The following XRCC4 variants were observed in gnomAD, a reference collection of about 807,000 sequenced individuals.
The protein encoded by XRCC4 is DNA repair protein XRCC4.
XRCC4 carries 28 observed loss-of-function variants against 39.1 expected under a neutral mutation model. That is an observed-to-expected ratio of 0.72 (90% CI 0.53 to 0.98). XRCC4 has a LOEUF of 0.98. Ranked by LOEUF, XRCC4 falls within the 50% of genes least tolerant of loss-of-function variation. The pLI, the probability that XRCC4 is intolerant of heterozygous loss-of-function variation, is 0.00. For missense variants in XRCC4, 350 were observed against 376.4 expected, an observed-to-expected ratio of 0.93 and a Z score of 0.58; for synonymous variants, 123 against 126.4, an observed-to-expected ratio of 0.97 and a Z score of 0.18.
chr5:83,133,527 T>C (rs1747715253), intron 3 of XRCC4, among the ~76,000 whole-genome samples: 1 of 152,226 alleles, frequency 6.6e-6, no homozygotes, highest in Admixed American at 6.5e-5. Flanking sequence ...TGAGCTGCGT[T>C]GGGCTCCACC....
chr5:83,276,548 C>T (rs1754343309), intron 7 of XRCC4, among the ~76,000 whole-genome samples: 1 of 148,392 alleles, frequency 6.7e-6, no homozygotes, highest in South Asian at 2.1e-4. Context: ...GCATGCTCTG[C>T]CCCCTTGCCA....
rs181017027 is a variant in XRCC4 at position 83,266,971 on chromosome 5, C to G, written c.893+8294C>G. Among the ~76,000 whole-genome samples the G allele has an allele frequency of 1.4e-4, 22 of 152,190 alleles. No individual in the cohort carries two copies. The East Asian group carries it at 4.2e-3, about 29-fold the overall frequency. On this transcript the variant is annotated intron_variant, in intron 7 of 7. Coordinates refer to ENST00000396027, the MANE Select transcript of XRCC4 (RefSeq NM_003401.5). ...GGAGGAGTAATGAATAGCACACATA[C>G]GTTGTTTGCTTTTGGGCCACATTAC...
chr5:83,331,723 A>C (rs748114125), intron 7 of XRCC4, among the ~76,000 whole-genome samples: 1 of 152,160 alleles, frequency 6.6e-6, no homozygotes, highest in Non-Finnish European at 1.5e-5. Context: ...GTTGAAATAA[A>C]ATTCTTTGAA....
the XRCC4 span, among the ~76,000 whole-genome samples, chr5:83,363,044 C>T: frequency 3.3e-3 from 499 of 152,234 alleles, 4 homozygotes; most frequent in African/African-American, 0.011. Flanking sequence ...AGGAGGCAGA[C>T]GTGTAAACAG....
At chr5:83,335,357 A>G (rs1756563314) in intron 7 of XRCC4, among the ~76,000 whole-genome samples, 1 of 151,886 alleles carries the variant, frequency 6.6e-6, no homozygotes, top group Admixed American at 6.6e-5. Context: ...ATTAACAACA[A>G]AGTATTTTTT....
At chr5:83,144,521 TTTTGTTTG>T (rs143945470) in intron 3 of XRCC4, among the ~76,000 whole-genome samples, 1 of 129,792 alleles carries the variant, frequency 7.7e-6, no homozygotes, top group Non-Finnish European at 1.6e-5. Context: ...ATGTTTTCTT[TTTTGTTTG>T]TTTGTTTGTT....
chr5:83,305,471 A>T (rs1340583625), intron 7 of XRCC4, among the ~76,000 whole-genome samples: 1 of 152,136 alleles, frequency 6.6e-6, no homozygotes, highest in Non-Finnish European at 1.5e-5. Context: ...CTCAAAGTAG[A>T]GTCTAAAATG....
At chr5:83,087,785 CTT>C (rs1237103233) in intron 1 of XRCC4, among the ~76,000 whole-genome samples, 1 of 151,900 alleles carries the variant, frequency 6.6e-6, no homozygotes, top group African/African-American at 2.4e-5. Context: ...GTAATTTACT[CTT>C]TTTTTGGTGT....
chr5:83,089,407 CTT>C (rs1212588659), intron 1 of XRCC4, among the ~76,000 whole-genome samples: 1 of 152,174 alleles, frequency 6.6e-6, no homozygotes, highest in Admixed American at 6.5e-5. Context: ...ATTAAACCCT[CTT>C]TTTTTCCCCC....
At chr5:83,100,497 A>T (rs550150700) in intron 1 of XRCC4, among the ~76,000 whole-genome samples, 2 of 151,992 alleles carry the variant, frequency 1.3e-5, no homozygotes, top group East Asian at 1.9e-4. Context: ...ATATGGCTTT[A>T]AAAAAAAGCA....
chr5:83,127,973 CATTTATTT>C (rs1292918867), intron 3 of XRCC4, among the ~76,000 whole-genome samples: 1 of 149,568 alleles, frequency 6.7e-6, no homozygotes, highest in Non-Finnish European at 1.5e-5. Flanking sequence ...AGTCATCTGT[CATTTATTT>C]ATTTATTTAT....
At chr5:83,224,267 T>G (rs1752206430) in intron 6 of XRCC4, among the ~76,000 whole-genome samples, 1 of 152,054 alleles carries the variant, frequency 6.6e-6, no homozygotes, top group African/African-American at 2.4e-5. Context: ...CTTTTCTGTT[T>G]CTCTTTTGTA....
At chr5:83,265,072 T>C (rs184597036) in intron 7 of XRCC4, among the ~76,000 whole-genome samples, 23 of 152,248 alleles carry the variant, frequency 1.5e-4, no homozygotes, top group Admixed American at 5.9e-4. Context: ...GACCATTCCA[T>C]CTTTTCAAAA....
chr5:83,357,515 G>A (rs934012115), downstream of XRCC4, among the ~76,000 whole-genome samples: 2 of 151,830 alleles, frequency 1.3e-5, no homozygotes, highest in Non-Finnish European at 2.9e-5. Context: ...AATACAGAAG[G>A]TACTGGGGCT....
downstream of XRCC4, among the ~76,000 whole-genome samples, chr5:83,355,447 T>C (rs1325235935): frequency 6.6e-6 from 1 of 152,178 alleles, no homozygotes; most frequent in Non-Finnish European, 1.5e-5. Context: ...TTAGTGTTTG[T>C]TGAATGAAAG....
chr5:83,158,513 A>G (rs1749062112), intron 3 of XRCC4, among the ~76,000 whole-genome samples: 1 of 152,176 alleles, frequency 6.6e-6, no homozygotes. Context: ...TATACACTAA[A>G]TAAATAGCAG....
At chr5:83,229,659 C>CTTTTTTT (rs61356475) in intron 6 of XRCC4, among the ~76,000 whole-genome samples, 19 of 103,700 alleles carry the variant, frequency 1.8e-4, no homozygotes, top group African/African-American at 5.8e-4. Flanking sequence ...AATGTTTAAA[C>CTTTTTTT]TTTTTTTTTT....
intron 7 of XRCC4, among the ~76,000 whole-genome samples, chr5:83,266,047 T>C (rs1753942892): frequency 6.6e-6 from 1 of 152,076 alleles, no homozygotes; most frequent in Non-Finnish European, 1.5e-5. Flanking sequence ...GTTATACTCT[T>C]GTCATTTGAA....
chr5:83,373,481 AATGCT>A, the XRCC4 span, among the ~76,000 whole-genome samples: 1 of 152,196 alleles, frequency 6.6e-6, no homozygotes, highest in African/African-American at 2.4e-5. Context: ...GAACAATAGA[AATGCT>A]CTTTTGAATA....
Sources: gnomAD v4.1 joint callset for allele counts (sites outside exome capture counted in the v4.1 genomes callset) on GRCh38, gnomAD v4.1.1 for gene constraint, MANE v1.5 for transcripts, NCBI Gene and HGNC (gene_info 2026-07-23, HGNC 2026-07-21) for gene names.